Variants in PSMG4 observed in about 807,000 individuals in gnomAD.
The protein encoded by PSMG4 is proteasome assembly chaperone 4.
Under a neutral mutation model 11.0 loss-of-function variants are expected in PSMG4, and 10 were observed. The observed-to-expected ratio is 0.91, with a 90% CI of 0.56 to 1.54. PSMG4 has a LOEUF of 1.54. Among genes scored for constraint, PSMG4 ranks in the 40% most tolerant of loss-of-function variants. The pLI, the probability that PSMG4 is intolerant of heterozygous loss-of-function variation, is 0.00. For missense variants in PSMG4, 198 were observed against 160.9 expected, an observed-to-expected ratio of 1.23 and a Z score of -1.25; for synonymous variants, 95 against 71.3, an observed-to-expected ratio of 1.33 and a Z score of -1.68.
chr6:3,258,120 T>C (rs540832460), upstream of PSMG4, among the ~76,000 whole-genome samples: 646 of 152,302 alleles, frequency 4.2e-3, 5 homozygotes, highest in Middle Eastern at 0.044. Context: ...CTTCCTTTTC[T>C]CAACTCTGTA....
At chr6:3,259,485 T>C (rs1757890991) in intron 1 of PSMG4, among the ~76,000 whole-genome samples, 1 of 152,308 alleles carries the variant, frequency 6.6e-6, no homozygotes. Context: ...ACACGCTCGC[T>C]GGGGGACGCG....
chr6:3,265,748 AGGCTTCCTCACTCCCCGCAG>A (rs1277823748), intron 2 of PSMG4: 1 of 152,018 alleles, frequency 6.6e-6, no homozygotes, highest in African/African-American at 2.4e-5. Context: ...GAAGCCTAAG[AGGCTTCCTCACTCCCCGCAG>A]GGCTGAGCAG....
upstream of PSMG4, among the ~76,000 whole-genome samples, chr6:3,255,813 T>C (rs976174539): frequency 6.6e-6 from 1 of 152,230 alleles, no homozygotes; most frequent in Admixed American, 6.5e-5. Flanking sequence ...GGGCAGAGAT[T>C]AGAATTGTGG....
intron 2 of PSMG4, 148 bp from the exon 3 acceptor site, chr6:3,267,443 T>G: frequency 1.2e-6 from 1 of 834,790 alleles, no homozygotes; most frequent in Non-Finnish European, 1.8e-6. Flanking sequence ...GCAGCACCTG[T>G]CTGAAGAGAG....
At chr6:3,264,183 T>G in intron 2 of PSMG4, 1 of 1,551,190 alleles carries the variant, frequency 6.4e-7, no homozygotes, top group Non-Finnish European at 8.7e-7. Context: ...GGAAGGACTG[T>G]CCTCACTCAG....
upstream of PSMG4, among the ~76,000 whole-genome samples, chr6:3,255,457 CTT>C (rs67012912): frequency 0.63 from 95,647 of 151,904 alleles, 35,980 homozygotes; most frequent in Non-Finnish European, 0.83. Context: ...ACCACCACCT[CTT>C]TTATCTTCCC....
At chr6:3,256,772 C>G (rs1042245392), upstream of PSMG4, among the ~76,000 whole-genome samples, 1 of 152,226 alleles carries the variant, frequency 6.6e-6, no homozygotes, top group East Asian at 1.9e-4. Flanking sequence ...CTGGGGCAAA[C>G]TGGCCTGGCT....
At chr6:3,267,494 C>A in intron 2 of PSMG4, 97 bp from the exon 3 acceptor site, 1 of 1,404,002 alleles carries the variant, frequency 7.1e-7, no homozygotes, top group Non-Finnish European at 9.6e-7. Flanking sequence ...ACAACCCCAT[C>A]CTCTTTCTGA....
chr6:3,259,288 G>C, intron 1 of PSMG4, 92 bp downstream of exon 1: 1 of 1,123,706 alleles, frequency 8.9e-7, no homozygotes, highest in Non-Finnish European at 1.1e-6. Flanking sequence ...GCTTCTCTTG[G>C]GTCCACAGGG....
intron 2 of PSMG4, chr6:3,265,314 C>G (rs1758142168): frequency 6.6e-6 from 1 of 152,112 alleles, no homozygotes; most frequent in Non-Finnish European, 1.5e-5. Context: ...GGAGAGGTGT[C>G]CTGAATCAGT....
At chr6:3,254,888 C>T (rs1279684721), upstream of PSMG4, among the ~76,000 whole-genome samples, 1 of 151,316 alleles carries the variant, frequency 6.6e-6, no homozygotes, top group East Asian at 1.9e-4. Flanking sequence ...GTGACTCCGA[C>T]CTTGTAAGTG....
At chr6:3,263,890 C>G in intron 2 of PSMG4, 131 bp downstream of exon 2, 1 of 1,461,476 alleles carries the variant, frequency 6.8e-7, no homozygotes, top group Non-Finnish European at 9.1e-7. Flanking sequence ...TGCTGGGAAG[C>G]ACAGACCTTT....
intron 2 of PSMG4, chr6:3,265,517 G>A (rs1223215537): frequency 1.3e-5 from 2 of 152,310 alleles, no homozygotes; most frequent in Non-Finnish European, 2.9e-5. Flanking sequence ...TGTCTCTGCA[G>A]TTAGAACAGT....
rs921069541 is a variant in PSMG4, at chr6:3,263,874, C to T, written c.250+115C>T. ...ATCTTTATGCTAAGAACCATCACCT[C>T]ATTGCTGCTGGGAAGCACAGACCTT... On this transcript the variant is annotated intron_variant, in intron 2 of 2. Transcript: ENST00000438998. 1.7e-5 allele frequency: 25 copies of T among 1,473,224 alleles called. No individual in the cohort carries two copies. The Admixed American group carries it at 3.3e-4, about 19-fold the overall frequency. 91.3% of individuals were successfully genotyped at this position (1,473,224 alleles called of 1,614,324 possible).
At chr6:3,254,692 AAG>A (rs376971432), upstream of PSMG4, among the ~76,000 whole-genome samples, 3 of 152,088 alleles carry the variant, frequency 2.0e-5, no homozygotes, top group Non-Finnish European at 2.9e-5. Flanking sequence ...ACTCAACAGA[AAG>A]AAGCTGTGGG....
In PSMG4 at chr6:3,267,841, TCTC is replaced by T; in HGVS notation, c.*130_*132del. 3.0e-6 allele frequency: 3 copies of T among 985,848 alleles called. No homozygotes were observed. The South Asian group carries it at 4.9e-5, about 16-fold the overall frequency. The allele number at this position is 985,848 out of a possible 1,614,324, so 61.1% of individuals were successfully genotyped here. A position where few individuals can be genotyped will look rare whatever the true frequency, so the allele number is the denominator to read the frequency against. ...AAGGGGTTAATCTTTTGAGCTTCCT[TCTC>T]AGCAGTGTGTGGGCCAAAAGGCTCA... On this transcript the variant is annotated 3_prime_UTR_variant, in exon 3 of 3. Coordinates refer to ENST00000438998, the MANE Select transcript of PSMG4 (RefSeq NM_001128591.2).
At chr6:3,257,814 G>A (rs995314891), upstream of PSMG4, among the ~76,000 whole-genome samples, 3 of 152,178 alleles carry the variant, frequency 2.0e-5, no homozygotes, top group South Asian at 2.1e-4. Context: ...TGGCTATAAC[G>A]TGTCAAGACT....
intron 2 of PSMG4, chr6:3,264,295 C>CTG: frequency 1.3e-6 from 2 of 1,551,252 alleles, no homozygotes; most frequent in Non-Finnish European, 1.7e-6. Context: ...CTCCACTCTT[C>CTG]CCACACCCCA....
upstream of PSMG4, chr6:3,258,814 C>T (rs900229895): frequency 1.7e-5 from 7 of 404,436 alleles, no homozygotes; most frequent in South Asian, 1.3e-4. Context: ...ACAGCTACTC[C>T]GCCCAGGGCC....
Sources: allele counts gnomAD v4.1 joint callset (sites outside exome capture counted in the v4.1 genomes callset), GRCh38; gene constraint gnomAD v4.1.1; transcripts MANE v1.5; gene names NCBI Gene and HGNC (gene_info 2026-07-23, HGNC 2026-07-21).